The following MYO3B variants were observed in gnomAD, a reference collection of about 807,000 sequenced individuals.
MYO3B encodes the protein myosin-IIIb.
A neutral mutation model predicts 174.6 loss-of-function variants in MYO3B; 156 were observed. That is an observed-to-expected ratio of 0.89 (90% CI 0.78 to 1.02). MYO3B has a LOEUF of 1.02. Ranked by LOEUF, MYO3B falls within the 50% of genes least tolerant of loss-of-function variation. MYO3B has a pLI of 0.00. For synonymous variants in MYO3B, 563 were observed against 569.1 expected, an observed-to-expected ratio of 0.99 and a Z score of 0.15; for missense variants, 1,632 against 1,639.4, an observed-to-expected ratio of 1.00 and a Z score of 0.08.
At chr2:170,439,051 T>C (rs1354877203) in intron 22 of MYO3B, among the ~76,000 whole-genome samples, 2 of 151,428 alleles carry the variant, frequency 1.3e-5, no homozygotes, top group Non-Finnish European at 2.9e-5. Flanking sequence ...TGGCGATATG[T>C]GTAGTCAAGT....
chr2:170,647,869 T>TA (rs1428434308), intron 32 of MYO3B: 1 of 152,192 alleles, frequency 6.6e-6, no homozygotes, highest in African/African-American at 2.4e-5. Context: ...TGATAAAATG[T>TA]AAACACTATA....
rs139605825 is a variant in MYO3B at position 170,351,692 on chromosome 2, C to T, written c.815+16242C>T. Among the ~76,000 whole-genome samples, 287 of 152,210 alleles carry T rather than the reference C, an allele frequency of 1.9e-3. 1 individual carries two copies. Among genetic ancestry groups the T allele is most frequent in the South Asian group, 3.3e-3 (16 of 4,812 alleles). On this transcript the variant is annotated intron_variant, in intron 8 of 34. Transcript: ENST00000408978. ...CCTCCTCACCCTTTCAGTGAGCCTGCCAACTGAAATTTCAGAACACCTGAA... is the reference window on the plus strand; with the variant it reads ...CCTCCTCACCCTTTCAGTGAGCCTGTCAACTGAAATTTCAGAACACCTGAA...
At chr2:170,355,846 G>A (rs1158627954) in intron 8 of MYO3B, among the ~76,000 whole-genome samples, 1 of 152,280 alleles carries the variant, frequency 6.6e-6, no homozygotes, top group South Asian at 2.1e-4. Flanking sequence ...GATAGATTTA[G>A]CAATGGATTA....
At chr2:170,292,059 A>G (rs960351128) in intron 7 of MYO3B, among the ~76,000 whole-genome samples, 1 of 152,074 alleles carries the variant, frequency 6.6e-6, no homozygotes, top group Non-Finnish European at 1.5e-5. Flanking sequence ...TACATCAATA[A>G]TTCTTAGATT....
intron 7 of MYO3B, among the ~76,000 whole-genome samples, chr2:170,318,607 C>G (rs2093792818): frequency 6.6e-6 from 1 of 152,136 alleles, no homozygotes; most frequent in Non-Finnish European, 1.5e-5. Flanking sequence ...TTTGGCCAAA[C>G]TTGGGGTCAA....
chr2:170,262,305 C>T (rs74786689), intron 7 of MYO3B, among the ~76,000 whole-genome samples: 17 of 152,172 alleles, frequency 1.1e-4, no homozygotes, highest in African/African-American at 1.7e-4. Flanking sequence ...GGGTGAGAGA[C>T]GGGGCTAGAT....
intron 7 of MYO3B, among the ~76,000 whole-genome samples, chr2:170,277,563 A>G (rs1228703636): frequency 2.0e-5 from 3 of 152,224 alleles, no homozygotes; most frequent in African/African-American, 4.8e-5. Flanking sequence ...AGGGAAATGT[A>G]TCCTTTATAA....
chr2:170,637,073 G>A (rs1697559754), intron 32 of MYO3B, among the ~76,000 whole-genome samples: 1 of 150,970 alleles, frequency 6.6e-6, no homozygotes, highest in Non-Finnish European at 1.5e-5. Context: ...AGCAACAACT[G>A]TAACCATTTA....
intron 32 of MYO3B, among the ~76,000 whole-genome samples, chr2:170,567,097 C>G (rs893735228): frequency 1.3e-5 from 2 of 152,126 alleles, no homozygotes; most frequent in East Asian, 3.9e-4. Context: ...ACAATTTGAG[C>G]TGTATTTATT....
At chr2:170,650,283 C>T (rs1698904726) in intron 32 of MYO3B, among the ~76,000 whole-genome samples, 1 of 151,654 alleles carries the variant, frequency 6.6e-6, no homozygotes, top group African/African-American at 2.4e-5. Context: ...AGATTTGTCC[C>T]AATTCAAGAA....
At chr2:170,207,337 T>C (rs1403976530) in intron 3 of MYO3B, among the ~76,000 whole-genome samples, 1 of 152,140 alleles carries the variant, frequency 6.6e-6, no homozygotes, top group Non-Finnish European at 1.5e-5. Context: ...CATTTGGAGT[T>C]TGATGTCATG....
rs561865184 is a variant in MYO3B at position 170,455,939 on chromosome 2, A to C, written c.2731-7429A>C. Among the ~76,000 whole-genome samples the C allele has an allele frequency of 1.5e-4, 23 of 152,268 alleles. No individual in the cohort carries two copies. In the South Asian group the frequency reaches 4.8e-3, roughly 32 times the overall value. ...GTCCAGAATATGGCTTCTATTGATC[A>C]TTTTGATATTGGTCTTATAGGGGCC... On this transcript the variant is annotated intron_variant, in intron 23 of 34. Coordinates refer to ENST00000408978, the MANE Select transcript of MYO3B (RefSeq NM_138995.5).
intron 32 of MYO3B, among the ~76,000 whole-genome samples, chr2:170,636,756 C>T (rs1276566646): frequency 2.6e-4 from 40 of 152,080 alleles, no homozygotes; most frequent in Non-Finnish European, 4.4e-5. Flanking sequence ...TAAATGCTGC[C>T]AGGTTTCTGA....
In MYO3B at chr2:170,653,136, C is replaced by T. The variant is rs577092474; in HGVS notation, c.*15C>T. The T allele has an allele frequency of 1.2e-6, 2 of 1,614,032 alleles. No individual in the cohort carries two copies. The highest frequency in any genetic ancestry group is 1.7e-6 in the Non-Finnish European group (2 of 1,179,962). Reference sequence around the variant, plus strand: ...CTCAACATTAAATTGTGCTTCCTAACCCTAAATCTGTCCAGAGTAGGAACA... The same window carrying T: ...CTCAACATTAAATTGTGCTTCCTAATCCTAAATCTGTCCAGAGTAGGAACA... On this transcript the variant is annotated 3_prime_UTR_variant, in exon 35 of 35. Coordinates refer to ENST00000408978, the MANE Select transcript of MYO3B (RefSeq NM_138995.5).
At position 170,200,932 on chromosome 2, in the gene MYO3B, G is replaced by A. The variant is rs150259254; in HGVS notation, c.321+648G>A. ...ATCATTGCCTGCATGCCATCCCTGCGAAGGAGCGTGACTTTGGGGGAGTCA... is the reference window on the plus strand; with the variant it reads ...ATCATTGCCTGCATGCCATCCCTGCAAAGGAGCGTGACTTTGGGGGAGTCA... On this transcript the variant is annotated intron_variant, in intron 3 of 34. Transcript: ENST00000408978. Among the ~76,000 whole-genome samples, 1,195 of 152,290 alleles carry A rather than the reference G, an allele frequency of 7.8e-3. 17 individuals are homozygous for A. The highest frequency in any genetic ancestry group is 0.027 in the African/African-American group (1,118 of 41,556).
chr2:170,558,116 A>G (rs535279939), intron 32 of MYO3B, among the ~76,000 whole-genome samples: 3 of 152,178 alleles, frequency 2.0e-5, no homozygotes, highest in Admixed American at 6.5e-5. Flanking sequence ...CCTGGCTAAC[A>G]CGGTGAAATC....
At chr2:170,392,724 A>C (rs558008115) in intron 16 of MYO3B, among the ~76,000 whole-genome samples, 2 of 152,346 alleles carry the variant, frequency 1.3e-5, no homozygotes, top group African/African-American at 2.4e-5. Flanking sequence ...ACTGCATCAG[A>C]ATATAATCAT....
chr2:170,610,821 A>C (rs57091583), intron 32 of MYO3B, among the ~76,000 whole-genome samples: 9,344 of 152,196 alleles, frequency 0.061, 947 homozygotes, highest in African/African-American at 0.21. Flanking sequence ...ATGAAATTTG[A>C]ATTGTTTATT....
intron 1 of MYO3B, among the ~76,000 whole-genome samples, chr2:170,182,556 T>C (rs2092413560): frequency 6.6e-6 from 1 of 152,110 alleles, no homozygotes; most frequent in Admixed American, 6.6e-5. Context: ...GGTCAAATTA[T>C]GTTCACTAAT....
Sources: allele counts gnomAD v4.1 joint callset (sites outside exome capture counted in the v4.1 genomes callset), GRCh38; gene constraint gnomAD v4.1.1; transcripts MANE v1.5; gene names NCBI Gene and HGNC (gene_info 2026-07-23, HGNC 2026-07-21).